Variants in GFI1B observed in about 807,000 individuals in gnomAD.
The protein encoded by GFI1B is zinc finger protein Gfi-1b.
Under a neutral mutation model 35.3 loss-of-function variants are expected in GFI1B, and 20 were observed. The ratio of observed to expected loss-of-function variants is 0.57; its 90% CI spans 0.40 to 0.82. The LOEUF (loss-of-function observed/expected upper bound fraction) is 0.82, where lower values mean the gene tolerates loss of function less well. Ranked by LOEUF, GFI1B falls within the 40% of genes least tolerant of loss-of-function variation. The pLI, the probability that GFI1B is intolerant of heterozygous loss-of-function variation, is 0.00. For missense variants in GFI1B, 430 were observed against 446.3 expected, an observed-to-expected ratio of 0.96 and a Z score of 0.33; for synonymous variants, 178 against 177.6, an observed-to-expected ratio of 1.00 and a Z score of -0.02.
At chr9:132,953,653 C>G (rs535958562) in intron 1 of GFI1B, 23 of 151,530 alleles carry the variant, frequency 1.5e-4, no homozygotes, top group African/African-American at 5.3e-4. Context: ...GATCCCGTCT[C>G]AAAAATAAAA....
chr9:132,962,499 C>G (rs543683972), intron 1 of GFI1B: 21 of 500,264 alleles, frequency 4.2e-5, no homozygotes, highest in African/African-American at 4.1e-4. Context: ...GTGTTTGACT[C>G]TGCTTCTCGC....
chr9:132,959,629 A>T (rs73554508), intron 1 of GFI1B, among the ~76,000 whole-genome samples: 194 of 152,362 alleles, frequency 1.3e-3, no homozygotes, highest in African/African-American at 3.5e-3. Flanking sequence ...TTAAAACAAC[A>T]GAAGATTATT....
chr9:132,989,225 C>T lies in GFI1B; in HGVS notation c.648+27C>T, dbSNP rs1290584375. On this transcript the variant is annotated intron_variant, in intron 5 of 6. Coordinates refer to ENST00000372122, the MANE Select transcript of GFI1B (RefSeq NM_001377304.1). The surrounding 1 kb of genome is among the most constrained non-coding windows in gnomAD (Gnocchi z 6.2). ...TGGGCACCTGGCCCAGCGCAGGACT[C>T]CCAGCCCCACTCCTTCTCTGTGCTT... 6.2e-6 allele frequency: 10 copies of T among 1,600,590 alleles called. No individual in the cohort carries two copies. Among genetic ancestry groups the T allele is most frequent in the Non-Finnish European group, 8.5e-6 (10 of 1,172,476 alleles).
intron 1 of GFI1B, among the ~76,000 whole-genome samples, chr9:132,967,867 C>T (rs769940352): frequency 7.9e-5 from 12 of 151,864 alleles, no homozygotes; most frequent in South Asian, 6.2e-4. Flanking sequence ...CTGTAACCTC[C>T]GCCTCTGGGT....
intron 1 of GFI1B, among the ~76,000 whole-genome samples, chr9:132,954,033 T>G (rs998919297): frequency 6.6e-6 from 1 of 152,200 alleles, no homozygotes; most frequent in African/African-American, 2.4e-5. Context: ...TACTTCTACA[T>G]AGGTTATAAA....
At chr9:132,975,790 G>C (rs1346820318), upstream of GFI1B, among the ~76,000 whole-genome samples, 2 of 152,350 alleles carry the variant, frequency 1.3e-5, no homozygotes, top group Non-Finnish European at 2.9e-5. Context: ...AAGCGATTTA[G>C]CTCTTGGGAG....
rs1564528127 is a variant in GFI1B, at chr9:132,972,375, TTG to T, written c.-700-349_-700-348del. On this transcript the variant is annotated intron_variant, in intron 1 of 10. Coordinates refer to the GFI1B transcript ENST00000339463. Reference sequence around the variant, plus strand: ...AGGTGGATGTTGCAGTGAGCCGAGATTGCACCACTGCACTCCAGCCTGGGCAA... The same window carrying T: ...AGGTGGATGTTGCAGTGAGCCGAGATCACCACTGCACTCCAGCCTGGGCAA... Among the ~76,000 whole-genome samples, 1,119 of 152,214 alleles carry T rather than the reference TTG, an allele frequency of 7.4e-3. 14 individuals carry two copies. The highest frequency in any genetic ancestry group is 0.024 in the African/African-American group (1,003 of 41,524).
chr9:132,966,768 A>C (rs1848456986), intron 1 of GFI1B, among the ~76,000 whole-genome samples: 1 of 152,214 alleles, frequency 6.6e-6, no homozygotes. Flanking sequence ...CTAAGGTGGG[A>C]CAACCTACTG....
chr9:132,990,365 G>C (rs975724297), intron 6 of GFI1B, among the ~76,000 whole-genome samples: 8 of 150,364 alleles, frequency 5.3e-5, no homozygotes, highest in African/African-American at 2.0e-4. Flanking sequence ...TCATTCATTT[G>C]TTCACTCATT....
chr9:132,981,206 A>T (rs536707917), intron 1 of GFI1B, among the ~76,000 whole-genome samples: 1 of 152,244 alleles, frequency 6.6e-6, no homozygotes, highest in South Asian at 2.1e-4. Context: ...CATAGACCAC[A>T]TGTTGTTTGG....
chr9:132,962,030 T>A (rs1156463390), intron 1 of GFI1B, among the ~76,000 whole-genome samples: 1 of 151,706 alleles, frequency 6.6e-6, no homozygotes, highest in East Asian at 1.9e-4. Flanking sequence ...GTGTGCATTC[T>A]TTCTTTGCTA....
intron 1 of GFI1B, among the ~76,000 whole-genome samples, chr9:132,980,587 A>G (rs976511475): frequency 6.6e-6 from 1 of 152,236 alleles, no homozygotes; most frequent in African/African-American, 2.4e-5. Context: ...AAGTACACCC[A>G]CATGGCTGTG....
At chr9:132,962,685 G>T (rs1466393523) in intron 1 of GFI1B, 4 of 468,628 alleles carry the variant, frequency 8.5e-6, no homozygotes, top group Non-Finnish European at 1.7e-5. Context: ...CACATGAGAT[G>T]ACACACATAT....
intron 1 of GFI1B, among the ~76,000 whole-genome samples, chr9:132,961,912 C>A (rs990709214): frequency 1.3e-5 from 2 of 152,048 alleles, no homozygotes; most frequent in South Asian, 2.1e-4. Context: ...AATTTGACAA[C>A]CCACCTTGCT....
chr9:132,992,344 C>T (rs679281), downstream of GFI1B, among the ~76,000 whole-genome samples: 1 of 152,068 alleles, frequency 6.6e-6, no homozygotes, highest in Non-Finnish European at 1.5e-5. Flanking sequence ...AAGATGATAT[C>T]CACATCCTAA....
intron 1 of GFI1B, among the ~76,000 whole-genome samples, chr9:132,981,988 G>T (rs1223617378): frequency 6.6e-6 from 1 of 152,150 alleles, no homozygotes; most frequent in African/African-American, 2.4e-5. Flanking sequence ...CCTGACTTCA[G>T]GTGATCCGCC....
intron 1 of GFI1B, among the ~76,000 whole-genome samples, chr9:132,961,422 CA>C (rs11393530): frequency 0.03 from 3,879 of 128,602 alleles, 89 homozygotes; most frequent in African/African-American, 0.065. Flanking sequence ...AATTATTTGA[CA>C]AAAAAAAAAA....
At chr9:132,956,229 G>A (rs547733268) in intron 1 of GFI1B, among the ~76,000 whole-genome samples, 21 of 152,174 alleles carry the variant, frequency 1.4e-4, no homozygotes, top group African/African-American at 4.6e-4. Flanking sequence ...TTTTTAAACT[G>A]TTGTAAGGTA....
In GFI1B at chr9:132,989,786, C is replaced by T. The variant is rs766642707; in HGVS notation, c.693C>T (p.Arg231=). ...GCATGTGCGGCAAGGCCTTCAAGCG[C>T]TCGTCCACGCTGTCCACCCACCTGC... ...ECRMCGKAFK[R]SSTLSTHLLI... Residue 231 remains arginine, a synonymous_variant, in exon 6 of 7, where the codon CGC becomes CGT. Coordinates refer to ENST00000372122, the MANE Select transcript of GFI1B (RefSeq NM_001377304.1). The surrounding 1 kb of genome is among the most constrained non-coding windows in gnomAD (Gnocchi z 6.2). 3.7e-6 allele frequency: 6 copies of T among 1,614,078 alleles called. No individual in the cohort carries two copies. The South Asian group carries it at 6.6e-5, about 18-fold the overall frequency.
Sources: allele counts gnomAD v4.1 joint callset (sites outside exome capture counted in the v4.1 genomes callset), GRCh38; gene constraint gnomAD v4.1.1; non-coding constraint Gnocchi (gnomAD v3.1); transcripts MANE v1.5; gene names NCBI Gene and HGNC (gene_info 2026-07-23, HGNC 2026-07-21).